FGF12: variants seen among roughly 807,000 people sequenced by gnomAD.
FGF12 encodes fibroblast growth factor 12, also known as fibroblast growth factor 12B.
FGF12 carries 14 observed loss-of-function variants against 23.6 expected under a neutral mutation model. That is an observed-to-expected ratio of 0.59 (90% confidence interval 0.39 to 0.93). The LOEUF is 0.93. Among genes scored for constraint, FGF12 ranks in the 40% least tolerant of loss-of-function variants. The probability of loss-of-function intolerance (pLI) is 0.00; values close to 1 mark genes in which losing one functional copy is unlikely to be tolerated. For missense variants in FGF12, 175 were observed against 217.8 expected (o/e 0.80, Z 1.24); for synonymous variants, 62 against 77.3 (o/e 0.80, Z 1.04).
chr3:192,412,543 C>T (rs1721230290), intron 2 of FGF12, among the ~76,000 whole-genome samples: 1 of 152,160 alleles, frequency 6.6e-6, no homozygotes, highest in Non-Finnish European at 1.5e-5. Flanking sequence ...ACAAAGACTA[C>T]TTTTTCCCTC....
At chr3:192,310,996 T>C (rs1285395100) in intron 4 of FGF12, among the ~76,000 whole-genome samples, 1 of 152,206 alleles carries the variant, frequency 6.6e-6, no homozygotes, top group Non-Finnish European at 1.5e-5. Flanking sequence ...ACCTCTGTAT[T>C]ACTTTAAAAA....
At chr3:192,263,821 T>A (rs971217023) in intron 4 of FGF12, among the ~76,000 whole-genome samples, 44 of 152,066 alleles carry the variant, frequency 2.9e-4, no homozygotes. Flanking sequence ...ACCCTACAGA[T>A]TTTAGGATCA....
At chr3:192,158,343 TTTCTTTCTTTC>T (rs1714571013) in intron 5 of FGF12, among the ~76,000 whole-genome samples, 1 of 81,468 alleles carries the variant, frequency 1.2e-5, no homozygotes, top group Non-Finnish European at 2.5e-5. Context: ...TCTTTCTTTC[TTTCTTTCTTTC>T]TTTCTTTCTT....
intron 2 of FGF12, among the ~76,000 whole-genome samples, chr3:192,664,088 C>T (rs544342007): frequency 6.6e-5 from 10 of 152,228 alleles, no homozygotes; most frequent in South Asian, 6.2e-4. Flanking sequence ...TCTCAAGATA[C>T]GTGGAAGAGG....
chr3:192,445,093 T>G (rs2108798671), intron 2 of FGF12, among the ~76,000 whole-genome samples: 1 of 152,368 alleles, frequency 6.6e-6, no homozygotes, highest in South Asian at 2.1e-4. Flanking sequence ...CCATTAAATC[T>G]TTCCTGAAGA....
At chr3:192,163,428 C>A (rs1560173773) in intron 5 of FGF12, among the ~76,000 whole-genome samples, 1 of 152,256 alleles carries the variant, frequency 6.6e-6, no homozygotes, top group East Asian at 1.9e-4. Context: ...TACTTAATTT[C>A]ATGTCAGAGG....
intron 2 of FGF12, among the ~76,000 whole-genome samples, chr3:192,522,064 G>A (rs760350313): frequency 2.6e-5 from 4 of 152,208 alleles, no homozygotes; most frequent in South Asian, 4.2e-4. Context: ...CGAGCGCGGT[G>A]GCGGGCGCCT....
At chr3:192,212,855 T>C (rs753636112) in intron 4 of FGF12, among the ~76,000 whole-genome samples, 161 of 152,186 alleles carry the variant, frequency 1.1e-3, no homozygotes, top group Non-Finnish European at 1.9e-3. Context: ...CAAAAGCTGG[T>C]CCTTGAGCTT....
intron 2 of FGF12, among the ~76,000 whole-genome samples, chr3:192,602,194 A>G (rs779547538): frequency 3.3e-5 from 5 of 152,148 alleles, no homozygotes; most frequent in Non-Finnish European, 5.9e-5. Flanking sequence ...GAGATTGTGT[A>G]TGTGGTGAGA....
chr3:192,551,624 A>T (rs1350689870), intron 2 of FGF12, among the ~76,000 whole-genome samples: 2 of 152,220 alleles, frequency 1.3e-5, no homozygotes. Context: ...AAAGACCGTG[A>T]CCTAAAATAA....
At chr3:192,230,857 G>C (rs1038607068) in intron 4 of FGF12, among the ~76,000 whole-genome samples, 17 of 152,086 alleles carry the variant, frequency 1.1e-4, no homozygotes, top group African/African-American at 4.1e-4. Context: ...GATCTCCCAG[G>C]TTGTGGAAAT....
chr3:192,464,892 C>T (rs1722967528), intron 2 of FGF12, among the ~76,000 whole-genome samples: 1 of 152,104 alleles, frequency 6.6e-6, no homozygotes, highest in Admixed American at 6.6e-5. Flanking sequence ...TGCCCTAGAG[C>T]TGAATGAGCA....
intron 2 of FGF12, among the ~76,000 whole-genome samples, chr3:192,506,026 G>A (rs1331525059): frequency 1.3e-5 from 2 of 152,236 alleles, no homozygotes; most frequent in Non-Finnish European, 1.5e-5. Context: ...TCACTTTGGG[G>A]TGGAGGCTTA....
chr3:192,490,854 G>A (rs938811498), intron 2 of FGF12, among the ~76,000 whole-genome samples: 2 of 152,066 alleles, frequency 1.3e-5, no homozygotes, highest in African/African-American at 4.8e-5. Flanking sequence ...TGGTGTCATC[G>A]CAAGATAATT....
chr3:192,499,516 ATTTTTTTTTT>A (rs71177364), intron 2 of FGF12, among the ~76,000 whole-genome samples: 3 of 38,868 alleles, frequency 7.7e-5, no homozygotes, highest in Admixed American at 4.9e-4. Flanking sequence ...ATATATATAT[ATTTTTTTTTT>A]TTTTTTTTTT....
intron 2 of FGF12, among the ~76,000 whole-genome samples, chr3:192,535,266 T>A (rs1725197328): frequency 6.6e-6 from 1 of 152,192 alleles, no homozygotes; most frequent in Non-Finnish European, 1.5e-5. Flanking sequence ...CTGTATAACA[T>A]CTTTTTAGCC....
At chr3:192,365,976 T>TAA (rs5855421) in intron 2 of FGF12, among the ~76,000 whole-genome samples, 4 of 130,778 alleles carry the variant, frequency 3.1e-5, no homozygotes, top group Non-Finnish European at 7.0e-5. Flanking sequence ...GCTTCAAAGG[T>TAA]AAAAAAAAAA....
intron 2 of FGF12, among the ~76,000 whole-genome samples, chr3:192,364,439 G>T (rs1718881358): frequency 6.6e-6 from 1 of 152,128 alleles, no homozygotes; most frequent in African/African-American, 2.4e-5. Context: ...AAGTGGTGTG[G>T]CAAATACTGC....
At chr3:192,620,984 T>C (rs1385908313) in intron 2 of FGF12, among the ~76,000 whole-genome samples, 1 of 152,176 alleles carries the variant, frequency 6.6e-6, no homozygotes, top group East Asian at 1.9e-4. Flanking sequence ...GACTCTAACA[T>C]ACTACTTATA....
Sources: allele counts gnomAD v4.1 joint callset (sites outside exome capture counted in the v4.1 genomes callset), GRCh38; gene constraint gnomAD v4.1.1; transcripts MANE v1.5; gene names NCBI Gene and HGNC (gene_info 2026-07-23, HGNC 2026-07-21).